The following PPFIA2 variants were observed in gnomAD, a reference collection of about 807,000 sequenced individuals.
PPFIA2 encodes the protein PPFI scaffold protein A2.
A neutral mutation model predicts 175.5 loss-of-function variants in PPFIA2; 46 were observed. The ratio of observed to expected loss-of-function variants is 0.26; its 90% CI spans 0.21 to 0.34. The LOEUF (loss-of-function observed/expected upper bound fraction) is 0.34. Ranked by LOEUF, PPFIA2 falls within the 10% of genes least tolerant of loss-of-function variation. The probability of loss-of-function intolerance (pLI) is 1.00; values close to 1 mark genes in which losing one functional copy is unlikely to be tolerated. For missense variants in PPFIA2, 1,179 were observed against 1,506.1 expected, an observed-to-expected ratio of 0.78 and a Z score of 3.60; for synonymous variants, 568 against 511.4, an observed-to-expected ratio of 1.11 and a Z score of -1.49.
intron 4 of PPFIA2, among the ~76,000 whole-genome samples, chr12:81,631,572 C>T (rs146191458): frequency 1.3e-5 from 2 of 152,160 alleles, no homozygotes; most frequent in African/African-American, 2.4e-5. Context: ...TCAAAGTATA[C>T]GTTTTTCATT....
intron 4 of PPFIA2, among the ~76,000 whole-genome samples, chr12:81,488,622 G>T (rs1345716669): frequency 6.6e-6 from 1 of 151,682 alleles, no homozygotes; most frequent in Non-Finnish European, 1.5e-5. Flanking sequence ...TTCTGTTTAA[G>T]GTGCTCTTCC....
intron 22 of PPFIA2, among the ~76,000 whole-genome samples, chr12:81,305,464 C>A (rs1293875930): frequency 6.6e-6 from 1 of 152,108 alleles, no homozygotes; most frequent in African/African-American, 2.4e-5. Flanking sequence ...CCTTTAAGGT[C>A]ATTCTTGATC....
intron 4 of PPFIA2, among the ~76,000 whole-genome samples, chr12:81,476,318 T>A (rs763809739): frequency 6.6e-6 from 1 of 152,202 alleles, no homozygotes; most frequent in Non-Finnish European, 1.5e-5. Context: ...CAGACTTTCC[T>A]ATTTGCCACA....
rs77912628 is a variant in PPFIA2 at position 81,352,320 on chromosome 12, G to A, written c.1994+799C>T. On this transcript the variant is annotated intron_variant, in intron 17 of 32. Transcript: ENST00000549396. ...CCAGCAGGATTCTGTTTTTGGTAAA[G>A]GCTCTCTGTTCCTGGCTCCAGGAAA... is the stretch of plus-strand genomic sequence containing the variant. 1.5e-3 allele frequency among the ~76,000 whole-genome samples: 224 copies of A among 151,670 alleles called. 3 individuals carry two copies. In the East Asian group the frequency reaches 0.027, roughly 19 times the overall value.
At chr12:81,622,742 G>A (rs907391269) in intron 4 of PPFIA2, among the ~76,000 whole-genome samples, 4 of 152,110 alleles carry the variant, frequency 2.6e-5, no homozygotes, top group Admixed American at 2.6e-4. Context: ...GAACCCAACA[G>A]AATAGAATGT....
intron 7 of PPFIA2, among the ~76,000 whole-genome samples, chr12:81,406,738 C>A (rs780567804): frequency 6.6e-6 from 1 of 151,778 alleles, no homozygotes; most frequent in Non-Finnish European, 1.5e-5. Context: ...TATTCCATGG[C>A]ATATTTTATT....
intron 5 of PPFIA2, among the ~76,000 whole-genome samples, chr12:81,449,488 C>CTA (rs2051996866): frequency 1.1e-5 from 1 of 93,288 alleles, no homozygotes. Context: ...TTACTTCAGA[C>CTA]AAAAAAAAAA....
At chr12:81,704,512 T>G (rs2076870688) in intron 3 of PPFIA2, among the ~76,000 whole-genome samples, 1 of 152,032 alleles carries the variant, frequency 6.6e-6, no homozygotes, top group Non-Finnish European at 1.5e-5. Flanking sequence ...TAAAACTTAA[T>G]GATAGCAAAT....
chr12:81,353,794 A>G (rs2060430454), intron 16 of PPFIA2, among the ~76,000 whole-genome samples: 1 of 152,172 alleles, frequency 6.6e-6, no homozygotes, highest in African/African-American at 2.4e-5. Flanking sequence ...CCCAACATTT[A>G]TTTACATCGA....
At chr12:81,664,282 T>C (rs1029908033) in intron 4 of PPFIA2, among the ~76,000 whole-genome samples, 21 of 152,062 alleles carry the variant, frequency 1.4e-4, no homozygotes, top group South Asian at 1.2e-3. Flanking sequence ...ATTTTTGCAA[T>C]CTACTCATCT....
At chr12:81,372,391 G>A (rs1451483242) in intron 11 of PPFIA2, among the ~76,000 whole-genome samples, 2 of 150,960 alleles carry the variant, frequency 1.3e-5, no homozygotes, top group Non-Finnish European at 3.0e-5. Flanking sequence ...AAATATAGGA[G>A]GAGGAACCCA....
chr12:81,420,032 G>A (rs1292506147), intron 7 of PPFIA2, among the ~76,000 whole-genome samples: 7 of 152,154 alleles, frequency 4.6e-5, no homozygotes, highest in African/African-American at 2.4e-5. Flanking sequence ...TACTAAAAAC[G>A]CTGTAGTCTT....
chr12:81,291,819 A>T (rs1026247854), intron 24 of PPFIA2, among the ~76,000 whole-genome samples: 1 of 152,052 alleles, frequency 6.6e-6, no homozygotes, highest in Admixed American at 6.6e-5. Flanking sequence ...TTGAAGTAGG[A>T]TGAAAGTTTT....
chr12:81,550,271 C>A (rs1275017990), intron 4 of PPFIA2, among the ~76,000 whole-genome samples: 2 of 151,874 alleles, frequency 1.3e-5, no homozygotes, highest in Non-Finnish European at 2.9e-5. Flanking sequence ...GGTCTAGGGG[C>A]TCACAGATTC....
intron 4 of PPFIA2, among the ~76,000 whole-genome samples, chr12:81,543,408 AC>A (rs2066505374): frequency 6.6e-6 from 1 of 152,296 alleles, no homozygotes; most frequent in Middle Eastern, 3.4e-3. Context: ...ATTTTGAGCA[AC>A]AAAAAAGGCA....
At chr12:81,676,291 T>C (rs992617730) in intron 4 of PPFIA2, among the ~76,000 whole-genome samples, 5 of 152,006 alleles carry the variant, frequency 3.3e-5, no homozygotes, top group South Asian at 2.1e-4. Flanking sequence ...GTTCCAATAA[T>C]AGAACATCAA....
intron 4 of PPFIA2, among the ~76,000 whole-genome samples, chr12:81,566,716 C>T (rs1391955712): frequency 6.6e-6 from 1 of 152,050 alleles, no homozygotes; most frequent in Non-Finnish European, 1.5e-5. Flanking sequence ...ACACTCATTG[C>T]AATGGATTCC....
At chr12:81,325,561 G>T (rs2054584477) in intron 22 of PPFIA2, among the ~76,000 whole-genome samples, 1 of 152,054 alleles carries the variant, frequency 6.6e-6, no homozygotes, top group South Asian at 2.1e-4. Flanking sequence ...TGAAGAAACT[G>T]CTTATTTCAA....
intron 3 of PPFIA2, among the ~76,000 whole-genome samples, chr12:81,728,745 T>C (rs1319973591): frequency 6.6e-6 from 1 of 151,378 alleles, no homozygotes; most frequent in Non-Finnish European, 1.5e-5. Flanking sequence ...AAACTGCTTT[T>C]TAGTAAAGCA....
Sources: gnomAD v4.1 joint callset for allele counts (sites outside exome capture counted in the v4.1 genomes callset) on GRCh38, gnomAD v4.1.1 for gene constraint, MANE v1.5 for transcripts, NCBI Gene and HGNC (gene_info 2026-07-23, HGNC 2026-07-21) for gene names.